Variants in PAN3 observed in about 807,000 individuals in gnomAD.
PAN3 encodes poly(A) specific ribonuclease subunit PAN3, also known as PAN2-PAN3 deadenylation complex subunit PAN3.
PAN3 carries 19 observed loss-of-function variants against 96.2 expected under a neutral mutation model. That is an observed-to-expected ratio of 0.20 (90% CI 0.14 to 0.29). The LOEUF is 0.29. PAN3 is among the 10% of genes least tolerant of loss of function. PAN3 has a pLI of 1.00. For synonymous variants in PAN3, 433 were observed against 406.6 expected (o/e 1.06, Z -0.78); for missense variants, 882 against 1,108.1 (o/e 0.80, Z 2.90).
chr13:28,284,068 C>T (rs565792974), intron 17 of PAN3, among the ~76,000 whole-genome samples: 44 of 152,288 alleles, frequency 2.9e-4, no homozygotes, highest in African/African-American at 1.0e-3. Flanking sequence ...ATTGCTAGGT[C>T]AGTAGGTGTG....
intron 6 of PAN3, among the ~76,000 whole-genome samples, chr13:28,252,747 C>T (rs940436276): frequency 3.3e-5 from 5 of 151,694 alleles, no homozygotes; most frequent in African/African-American, 9.7e-5. Flanking sequence ...ATCAGAATGT[C>T]ATTTCAAGAG....
At chr13:28,147,521 G>T (rs552403966) in intron 1 of PAN3, among the ~76,000 whole-genome samples, 7 of 152,268 alleles carry the variant, frequency 4.6e-5, no homozygotes, top group African/African-American at 1.7e-4. Flanking sequence ...AATAGGCCCA[G>T]AATGCTTACA....
chr13:28,288,558 G>A (rs1056056326), intron 18 of PAN3, among the ~76,000 whole-genome samples: 6 of 151,940 alleles, frequency 3.9e-5, no homozygotes, highest in Admixed American at 1.3e-4. Context: ...TCCCAAAGTG[G>A]TAGGATTATA....
chr13:28,252,792 G>A (rs1264393465), intron 6 of PAN3, among the ~76,000 whole-genome samples: 3 of 151,938 alleles, frequency 2.0e-5, no homozygotes, highest in African/African-American at 4.8e-5. Flanking sequence ...AATGAAATAC[G>A]AAAGTGAAAT....
intron 6 of PAN3, among the ~76,000 whole-genome samples, chr13:28,222,401 C>T (rs1881506439): frequency 6.6e-6 from 1 of 152,060 alleles, no homozygotes; most frequent in Non-Finnish European, 1.5e-5. Context: ...AGTGATCACT[C>T]TCTGGAACCA....
intron 14 of PAN3, among the ~76,000 whole-genome samples, chr13:28,273,089 A>G (rs1886766466): frequency 6.6e-6 from 1 of 152,186 alleles, no homozygotes; most frequent in Non-Finnish European, 1.5e-5. Context: ...ATGTTTTCAT[A>G]GGTTTGTTAT....
Position 28,215,875 on chromosome 13 carries a change from A to G in PAN3, c.853-4356A>G, listed in dbSNP as rs969974818. The stretch of plus-strand genomic sequence containing the variant: ...GCTGGCAAGGTCACCAGGTTTGCCC[A>G]GAAATCTCAGAAGGCTAAATGAATA... On this transcript the variant is annotated intron_variant, in intron 5 of 18. Coordinates refer to ENST00000380958, the MANE Select transcript of PAN3 (RefSeq NM_175854.8). 1.5e-5 allele frequency: 20 copies of G among 1,352,066 alleles called. 2 individuals carry two copies. In the Admixed American group the frequency reaches 2.2e-4, roughly 15 times the overall value. 83.8% of individuals were successfully genotyped at this position (1,352,066 alleles called of 1,614,324 possible).
chr13:28,160,706 C>T (rs894378032), intron 1 of PAN3, among the ~76,000 whole-genome samples: 4 of 152,108 alleles, frequency 2.6e-5, no homozygotes, highest in Non-Finnish European at 5.9e-5. Flanking sequence ...ATTATTTTAT[C>T]TAATTTATCA....
intron 1 of PAN3, among the ~76,000 whole-genome samples, chr13:28,165,422 C>A (rs914940984): frequency 6.6e-6 from 1 of 151,676 alleles, no homozygotes. Context: ...CATGCCTGGC[C>A]CCATTTCTTT....
At chr13:28,186,971 T>C (rs1876559791) in intron 4 of PAN3, among the ~76,000 whole-genome samples, 1 of 152,130 alleles carries the variant, frequency 6.6e-6, no homozygotes, top group Non-Finnish European at 1.5e-5. Context: ...ATCACCACTT[T>C]GGGAAGATGA....
chr13:28,267,317 G>T lies in PAN3; in HGVS notation c.1708G>T (p.Asp570Tyr). 1 of 1,613,732 alleles carries T rather than the reference G, an allele frequency of 6.2e-7. No homozygotes were observed. The highest frequency in any genetic ancestry group is 1.1e-5 in the South Asian group (1 of 91,058). ...FAEPSLVFAYDFHAGGETMMS... is the reference protein window; with the variant it reads ...FAEPSLVFAYYFHAGGETMMS... ...ATTTTAAGCTCTTGTGTTTGCATATGATTTCCATGCTGGAGGAGAAACTAT... is the reference window on the plus strand; with the variant it reads ...ATTTTAAGCTCTTGTGTTTGCATATTATTTCCATGCTGGAGGAGAAACTAT... Residue 570 changes from aspartate (D) to tyrosine (Y), a missense_variant, in exon 12 of 19, where the codon GAT becomes TAT. Physicochemically the swap from Asp to Tyr is radical, Grantham distance 160. Transcript: ENST00000380958.
At chr13:28,202,589 A>T (rs1205633683) in intron 5 of PAN3, among the ~76,000 whole-genome samples, 1 of 152,112 alleles carries the variant, frequency 6.6e-6, no homozygotes, top group Non-Finnish European at 1.5e-5. Context: ...CCTTTAAGAG[A>T]TGGCTCAAAT....
intron 1 of PAN3, among the ~76,000 whole-genome samples, chr13:28,168,317 G>T (rs1373342911): frequency 6.6e-6 from 1 of 152,166 alleles, no homozygotes; most frequent in African/African-American, 2.4e-5. Flanking sequence ...CATTTCCTTT[G>T]AGCATCATTG....
chr13:28,181,476 C>T (rs935652899), intron 4 of PAN3, among the ~76,000 whole-genome samples: 1 of 133,310 alleles, frequency 7.5e-6, no homozygotes, highest in Non-Finnish European at 1.5e-5. Flanking sequence ...CACTCTAATG[C>T]ACTGTGTGAC....
chr13:28,267,074 A>G, intron 10 of PAN3, 21 bp from the exon 11 acceptor site: 1 of 1,570,560 alleles, frequency 6.4e-7, no homozygotes, highest in Non-Finnish European at 8.7e-7. Flanking sequence ...AGTTTACTGG[A>G]GTAGAAAAAT....
rs185124092 is a variant in PAN3 at position 28,238,534 on chromosome 13, G to C, written c.1001-17758G>C. 3.2e-4 allele frequency among the ~76,000 whole-genome samples: 48 copies of C among 152,316 alleles called. 1 individual carries two copies. The East Asian group carries it at 8.5e-3, about 27-fold the overall frequency. ...GCTCTTAGGCACTGAGTTTATGGCT[G>C]AGAATCAAGATTTGTTCATGTTAAA... On this transcript the variant is annotated intron_variant, in intron 6 of 18. Transcript: ENST00000380958.
chr13:28,159,833 G>T (rs901383993), intron 1 of PAN3, among the ~76,000 whole-genome samples: 4 of 151,982 alleles, frequency 2.6e-5, no homozygotes, highest in Non-Finnish European at 4.4e-5. Context: ...TATTATCTGG[G>T]TGACAAAATA....
chr13:28,163,450 C>CT (rs1355545713), intron 1 of PAN3, among the ~76,000 whole-genome samples: 1 of 152,080 alleles, frequency 6.6e-6, no homozygotes, highest in Non-Finnish European at 1.5e-5. Flanking sequence ...TGTTAGAAAA[C>CT]ATACTAGGCA....
At chr13:28,281,970 C>T (rs1887509216) in intron 17 of PAN3, among the ~76,000 whole-genome samples, 1 of 152,080 alleles carries the variant, frequency 6.6e-6, no homozygotes, top group South Asian at 2.1e-4. Flanking sequence ...AGGGTTTCAC[C>T]ATGTTGGCCA....
Sources: allele counts gnomAD v4.1 joint callset (sites outside exome capture counted in the v4.1 genomes callset), GRCh38; gene constraint gnomAD v4.1.1; transcripts MANE v1.5; gene names NCBI Gene and HGNC (gene_info 2026-07-23, HGNC 2026-07-21).